Variants in RP1 observed in about 807,000 individuals in gnomAD.
RP1 encodes the protein oxygen-regulated protein 1.
In RP1, 16 loss-of-function variants were observed where a neutral mutation model predicts 14.8. The ratio of observed to expected loss-of-function variants is 1.08; its 90% CI spans 0.73 to 1.65. RP1 has a LOEUF of 1.65. Ranked by LOEUF, RP1 falls within the 40% of genes most tolerant of loss-of-function variation. The pLI, the probability that RP1 is intolerant of heterozygous loss-of-function variation, is 0.00. For missense variants in RP1, 2,631 were observed against 2,535.0 expected (o/e 1.04, Z -0.81); for synonymous variants, 876 against 883.6 (o/e 0.99, Z 0.15).
At chr8:54,605,816 T>C (rs1805424759) in intron 1 of RP1, among the ~76,000 whole-genome samples, 1 of 152,218 alleles carries the variant, frequency 6.6e-6, no homozygotes, top group Non-Finnish European at 1.5e-5. Flanking sequence ...TCTCTTTTGA[T>C]CTTTGTTAGT....
In RP1 at chr8:54,601,609, A is replaced by G. The variant is rs1805296397; in HGVS notation, c.-12-19346A>G. Among the ~76,000 whole-genome samples the G allele has an allele frequency of 3.9e-5, 6 of 151,902 alleles. No individual in the cohort carries two copies. The South Asian group carries it at 1.2e-3, about 31-fold the overall frequency. Reference sequence around the variant, plus strand: ...AAATAAAAAACTTAGAAAAAAAAAAAAAAGAAAGAAGCGATAGTACCAAAG... The same window carrying G: ...AAATAAAAAACTTAGAAAAAAAAAAGAAAGAAAGAAGCGATAGTACCAAAG... On this transcript the variant is annotated intron_variant, in intron 1 of 22. Coordinates refer to the RP1 transcript ENST00000636932.
intron 25 of RP1, among the ~76,000 whole-genome samples, chr8:54,848,172 G>C (rs1012255645): frequency 3.9e-5 from 6 of 152,098 alleles, no homozygotes; most frequent in South Asian, 2.1e-4. Context: ...AGGCATCCTT[G>C]GCAGTCATCT....
chr8:54,599,839 G>T (rs1179490447), intron 1 of RP1, among the ~76,000 whole-genome samples: 1 of 152,096 alleles, frequency 6.6e-6, no homozygotes, highest in Non-Finnish European at 1.5e-5. Flanking sequence ...GACATTTTGG[G>T]TACTATGTTA....
intron 1 of RP1, among the ~76,000 whole-genome samples, chr8:54,572,471 A>G (rs183851964): frequency 2.2e-4 from 34 of 152,338 alleles, no homozygotes; most frequent in African/African-American, 7.7e-4. Flanking sequence ...TTGTCTGGAT[A>G]GCAACATACT....
chr8:54,745,923 A>G (rs1208872068), intron 19 of RP1, among the ~76,000 whole-genome samples: 2 of 152,200 alleles, frequency 1.3e-5, no homozygotes, highest in African/African-American at 4.8e-5. Context: ...TCTTTTTAGT[A>G]TTGATAGAAA....
chr8:54,698,565 T>C (rs1057464708), intron 12 of RP1, among the ~76,000 whole-genome samples: 3 of 152,148 alleles, frequency 2.0e-5, no homozygotes, highest in Non-Finnish European at 4.4e-5. Flanking sequence ...TATAAATCAT[T>C]CTGCTATAAA....
At chr8:54,690,638 G>A (rs1312174350) in intron 12 of RP1, among the ~76,000 whole-genome samples, 1 of 151,918 alleles carries the variant, frequency 6.6e-6, no homozygotes. Flanking sequence ...ATTAATAGGG[G>A]AATGGCTGCT....
chr8:54,621,706 A>G (rs1805884275), intron 2 of RP1, 125 bp downstream of exon 2: 4 of 1,386,536 alleles, frequency 2.9e-6, no homozygotes, highest in East Asian at 2.3e-5. Context: ...TGTGTATGTG[A>G]GTGTGTGTGC....
At chr8:54,864,592 G>A (rs2129329558) in intron 27 of RP1, among the ~76,000 whole-genome samples, 1 of 152,248 alleles carries the variant, frequency 6.6e-6, no homozygotes, top group Middle Eastern at 3.4e-3. Context: ...AAGATGGCTT[G>A]CATAGTTTCA....
At chr8:54,740,773 G>A in intron 19 of RP1, among the ~76,000 whole-genome samples, 1 of 152,018 alleles carries the variant, frequency 6.6e-6, no homozygotes, top group East Asian at 1.9e-4. Context: ...GCCGGGTGCG[G>A]TGGATCATGC....
intron 1 of RP1, among the ~76,000 whole-genome samples, chr8:54,609,261 G>A (rs1326517162): frequency 5.9e-5 from 9 of 151,810 alleles, no homozygotes; most frequent in Admixed American, 5.9e-4. Flanking sequence ...AGGAGTTTGA[G>A]ACCAGTCAGG....
intron 18 of RP1, among the ~76,000 whole-genome samples, chr8:54,734,909 A>ATTT (rs1808883043): frequency 6.6e-6 from 1 of 152,084 alleles, no homozygotes; most frequent in Non-Finnish European, 1.5e-5. Context: ...CAAAGGAAAT[A>ATTT]TTTTTGCTCA....
At chr8:54,814,242 C>A (rs975267122) in intron 24 of RP1, among the ~76,000 whole-genome samples, 6 of 152,126 alleles carry the variant, frequency 3.9e-5, no homozygotes, top group African/African-American at 1.2e-4. Context: ...ATATTTAAGA[C>A]ATTTTCTTGT....
At chr8:54,762,204 C>T (rs1223566006) in intron 22 of RP1, among the ~76,000 whole-genome samples, 1 of 152,058 alleles carries the variant, frequency 6.6e-6, no homozygotes, top group Non-Finnish European at 1.5e-5. Flanking sequence ...AAGAAAATCT[C>T]GGTCATGCTC....
intron 12 of RP1, among the ~76,000 whole-genome samples, chr8:54,688,456 T>C (rs1585607869): frequency 6.6e-6 from 1 of 152,340 alleles, no homozygotes; most frequent in Non-Finnish European, 1.5e-5. Flanking sequence ...GTCTAACATT[T>C]AAGTCTTTAA....
intron 24 of RP1, among the ~76,000 whole-genome samples, chr8:54,824,225 G>A (rs1485595908): frequency 6.6e-6 from 1 of 151,702 alleles, no homozygotes; most frequent in African/African-American, 2.4e-5. Flanking sequence ...TGAAACAGAG[G>A]TTATCACTAT....
chr8:54,589,178 T>G (rs1331399910), intron 1 of RP1, among the ~76,000 whole-genome samples: 1 of 152,226 alleles, frequency 6.6e-6, no homozygotes, highest in African/African-American at 2.4e-5. Flanking sequence ...CCTCCACCCC[T>G]TCTAACCTCT....
At chr8:54,672,504 A>G (rs1251219399) in intron 7 of RP1, among the ~76,000 whole-genome samples, 3 of 152,184 alleles carry the variant, frequency 2.0e-5, no homozygotes, top group Non-Finnish European at 2.9e-5. Context: ...AAAGTTTTCA[A>G]AAAAAGAGTA....
intron 23 of RP1, among the ~76,000 whole-genome samples, chr8:54,779,606 A>G (rs1484814799): frequency 6.6e-6 from 1 of 152,206 alleles, no homozygotes; most frequent in East Asian, 1.9e-4. Context: ...GTTATGATCT[A>G]AGGAAGGGCT....
Sources: allele counts gnomAD v4.1 joint callset (sites outside exome capture counted in the v4.1 genomes callset), GRCh38; gene constraint gnomAD v4.1.1; transcripts MANE v1.5; gene names NCBI Gene and HGNC (gene_info 2026-07-23, HGNC 2026-07-21).